The following KCNJ3 variants were observed in gnomAD, a reference collection of about 807,000 sequenced individuals.
The protein encoded by KCNJ3 is G protein-activated inward rectifier potassium channel 1.
A neutral mutation model predicts 39.2 loss-of-function variants in KCNJ3; 4 were observed. The observed-to-expected ratio is 0.10, with a 90% CI of 0.05 to 0.23. KCNJ3 has a LOEUF of 0.23. Ranked by LOEUF, KCNJ3 falls within the 10% of genes least tolerant of loss-of-function variation. The probability of loss-of-function intolerance (pLI) is 1.00; values close to 1 mark genes in which losing one functional copy is unlikely to be tolerated. For synonymous variants in KCNJ3, 230 were observed against 237.4 expected, an observed-to-expected ratio of 0.97 and a Z score of 0.29; for missense variants, 276 against 634.9, an observed-to-expected ratio of 0.43 and a Z score of 6.08.
intron 2 of KCNJ3, among the ~76,000 whole-genome samples, chr2:154,803,574 A>G (rs993765790): frequency 2.0e-5 from 3 of 151,986 alleles, no homozygotes; most frequent in Non-Finnish European, 2.9e-5. Context: ...AGAATCTAGT[A>G]TAATGAAGCT....
At chr2:154,785,056 GATAA>G (rs934104817) in intron 2 of KCNJ3, among the ~76,000 whole-genome samples, 1 of 152,190 alleles carries the variant, frequency 6.6e-6, no homozygotes, top group African/African-American at 2.4e-5. Flanking sequence ...CCAAATAGCA[GATAA>G]GACATAGCAG....
chr2:154,841,471 C>G (rs1387792577), intron 2 of KCNJ3, among the ~76,000 whole-genome samples: 1 of 152,128 alleles, frequency 6.6e-6, no homozygotes, highest in Non-Finnish European at 1.5e-5. Context: ...AGGATTCCCT[C>G]TTTTTCTGTT....
At chr2:154,806,260 A>T (rs575428997) in intron 2 of KCNJ3, among the ~76,000 whole-genome samples, 2 of 152,252 alleles carry the variant, frequency 1.3e-5, no homozygotes, top group East Asian at 3.9e-4. Flanking sequence ...TGACACAGTG[A>T]GCAGTATGAG....
At chr2:154,815,059 G>T (rs1218288900) in intron 2 of KCNJ3, among the ~76,000 whole-genome samples, 1 of 152,198 alleles carries the variant, frequency 6.6e-6, no homozygotes, top group African/African-American at 2.4e-5. Flanking sequence ...TGCTGAAAGT[G>T]CAGGAATAGC....
intron 2 of KCNJ3, among the ~76,000 whole-genome samples, chr2:154,795,999 T>C (rs1405168684): frequency 1.3e-5 from 2 of 152,128 alleles, no homozygotes; most frequent in African/African-American, 4.8e-5. Context: ...GCCATAGTTT[T>C]AGTGTTCTTT....
At chr2:154,813,632 T>C (rs1687036724) in intron 2 of KCNJ3, among the ~76,000 whole-genome samples, 1 of 152,336 alleles carries the variant, frequency 6.6e-6, no homozygotes, top group East Asian at 1.9e-4. Flanking sequence ...TAGCAAAATA[T>C]GTATTATGTA....
At chr2:154,708,042 C>T (rs1033441628) in intron 1 of KCNJ3, among the ~76,000 whole-genome samples, 1 of 152,112 alleles carries the variant, frequency 6.6e-6, no homozygotes, top group Non-Finnish European at 1.5e-5. Flanking sequence ...GCTAGAGCTG[C>T]TGTTTTAATT....
At chr2:154,834,796 A>G (rs1477587947) in intron 2 of KCNJ3, among the ~76,000 whole-genome samples, 1 of 152,160 alleles carries the variant, frequency 6.6e-6, no homozygotes, top group South Asian at 2.1e-4. Context: ...AACCTAGCAT[A>G]TAATATATAT....
intron 2 of KCNJ3, among the ~76,000 whole-genome samples, chr2:154,774,483 G>T (rs1686298043): frequency 6.6e-6 from 1 of 151,862 alleles, no homozygotes; most frequent in East Asian, 1.9e-4. Context: ...TTTAGAAAAA[G>T]ATGATGTAAT....
In KCNJ3 at chr2:154,699,379, A is replaced by G. The variant is rs1231766331; in HGVS notation, c.604A>G (p.Ile202Val). The change falls in exon 1 of 3, where the codon ATC (isoleucine) becomes GTC (valine). Residue 202 changes from isoleucine (I) to valine (V), a missense_variant. This residue lies in a region of KCNJ3 where 77 missense variants were observed against 200.0 expected (regional missense o/e 0.38). Coordinates refer to ENST00000295101, the MANE Select transcript of KCNJ3 (RefSeq NM_002239.4). The surrounding 1 kb of genome is among the most constrained non-coding windows in gnomAD (Gnocchi z 6.4). Reference protein sequence around the residue: ...ETLMFSEHAVISMRDGKLTLM... With the variant: ...ETLMFSEHAVVSMRDGKLTLM... ...CCTCATGTTCAGCGAGCACGCGGTG[A>G]TCTCCATGAGGGACGGAAAACTCAC... 6.8e-6 allele frequency: 11 copies of G among 1,611,050 alleles called. No homozygotes were observed. The highest frequency in any genetic ancestry group is 9.3e-6 in the Non-Finnish European group (11 of 1,180,022).
chr2:154,709,809 G>T lies in KCNJ3; in HGVS notation c.909G>T (p.Val303=). 13 of 1,613,518 alleles carry T rather than the reference G, an allele frequency of 8.1e-6. No homozygotes were observed. Among genetic ancestry groups the T allele is most frequent in the Non-Finnish European group, 1.1e-5 (13 of 1,179,708 alleles). The change falls in exon 2 of 3, where the codon GTG becomes GTT. Residue 303 remains valine (V), a synonymous_variant. Coordinates refer to ENST00000295101, the MANE Select transcript of KCNJ3 (RefSeq NM_002239.4). ...TTGTCGTCATCCTAGAAGGCATTGT[G>T]GAAACAACTGGTGAGTAAAAACAGA... ...FEIVVILEGI[V]ETTGMTCQAR...
chr2:154,728,587 T>C (rs976547672), intron 2 of KCNJ3, among the ~76,000 whole-genome samples: 4 of 152,194 alleles, frequency 2.6e-5, no homozygotes, highest in Admixed American at 2.6e-4. Flanking sequence ...AAATTCAATA[T>C]CCACAATATC....
chr2:154,825,278 G>T (rs886638128), intron 2 of KCNJ3, among the ~76,000 whole-genome samples: 6 of 152,080 alleles, frequency 3.9e-5, no homozygotes, highest in African/African-American at 1.4e-4. Flanking sequence ...TCTTCCAAAA[G>T]TGCCTGTGAT....
At chr2:154,835,784 C>G (rs1271016282) in intron 2 of KCNJ3, among the ~76,000 whole-genome samples, 1 of 151,912 alleles carries the variant, frequency 6.6e-6, no homozygotes, top group East Asian at 1.9e-4. Flanking sequence ...TATTTTATAT[C>G]TTACTATCAT....
intron 1 of KCNJ3, among the ~76,000 whole-genome samples, chr2:154,703,644 A>G (rs1243458689): frequency 1.3e-5 from 2 of 152,096 alleles, no homozygotes; most frequent in Non-Finnish European, 2.9e-5. Context: ...TTGCTAATCT[A>G]ACCACAACGA....
intron 2 of KCNJ3, among the ~76,000 whole-genome samples, chr2:154,846,288 T>A (rs1368619488): frequency 2.0e-5 from 3 of 152,186 alleles, no homozygotes; most frequent in Admixed American, 2.0e-4. Context: ...ATTCTATGCA[T>A]TGATCTGTTT....
intron 2 of KCNJ3, among the ~76,000 whole-genome samples, chr2:154,744,259 C>A (rs1354633586): frequency 6.6e-6 from 1 of 151,550 alleles, no homozygotes; most frequent in Non-Finnish European, 1.5e-5. Flanking sequence ...TTGTTGGAAA[C>A]TTTTATAGCT....
chr2:154,703,217 A>AT (rs542991836), intron 1 of KCNJ3, among the ~76,000 whole-genome samples: 5 of 152,168 alleles, frequency 3.3e-5, no homozygotes, highest in Admixed American at 6.5e-5. Context: ...GTCAGCACAC[A>AT]TTTTTTACAT....
At chr2:154,851,094 T>TA (rs1163900842) in intron 2 of KCNJ3, among the ~76,000 whole-genome samples, 2 of 151,980 alleles carry the variant, frequency 1.3e-5, no homozygotes, top group African/African-American at 2.4e-5. Flanking sequence ...AATTGAAAAT[T>TA]AGCCAGACTT....
Sources: allele counts gnomAD v4.1 joint callset (sites outside exome capture counted in the v4.1 genomes callset), GRCh38; gene constraint gnomAD v4.1.1; regional missense constraint gnomAD v4.1.1; non-coding constraint Gnocchi (gnomAD v3.1); transcripts MANE v1.5; gene names NCBI Gene and HGNC (gene_info 2026-07-23, HGNC 2026-07-21).